The following GRID2IP variants were observed in gnomAD, a reference collection of about 807,000 sequenced individuals.
The protein encoded by GRID2IP is delphilin.
Under a neutral mutation model 114.3 loss-of-function variants are expected in GRID2IP, and 78 were observed. That is an observed-to-expected ratio of 0.68 (90% CI 0.57 to 0.82). The LOEUF is 0.82. GRID2IP is among the 40% of genes least tolerant of loss of function. GRID2IP has a pLI of 0.00. For missense variants in GRID2IP, 1,727 were observed against 1,678.5 expected (o/e 1.03, Z -0.51); for synonymous variants, 809 against 724.0 (o/e 1.12, Z -1.89).
rs1234021817 is a variant in GRID2IP, at chr7:6,516,743, TAGC to T, written c.1269-2217_1269-2215del. ...TGTGCACTCGGCTCCACCTTCTAGA[TAGC>T]AGCAGCAGAATTAGTGAAAGTACTA... is the stretch of plus-strand genomic sequence containing the variant. On this transcript the variant is annotated intron_variant, in intron 7 of 21. Coordinates refer to ENST00000457091, the MANE Select transcript of GRID2IP (RefSeq NM_001145118.2). This position sits in a 1 kb window ranked among gnomAD's most constrained non-coding sequence, Gnocchi z 4.3. 6.6e-6 allele frequency among the ~76,000 whole-genome samples: 1 copy of T among 152,180 alleles called. No homozygotes were observed. Among genetic ancestry groups the T allele is most frequent in the Non-Finnish European group, 1.5e-5 (1 of 68,024 alleles).
At chr7:6,541,797 C>T (rs371762544) in intron 1 of GRID2IP, among the ~76,000 whole-genome samples, 48 of 152,266 alleles carry the variant, frequency 3.2e-4, no homozygotes, top group African/African-American at 1.1e-3. Flanking sequence ...CATCCTTCTA[C>T]CCAATGATCT....
chr7:6,521,978 T>C lies in GRID2IP; in HGVS notation c.920-21A>G, dbSNP rs1184114408. ...GCTCCCTGGAAGCAAGAAGAGAGGG[T>C]GTGCCGGTCAGCTGGGCAGGGTACC... On this transcript the variant is annotated intron_variant, in intron 4 of 21. Coordinates refer to ENST00000457091, the MANE Select transcript of GRID2IP (RefSeq NM_001145118.2). This position sits in a 1 kb window ranked among gnomAD's most constrained non-coding sequence, Gnocchi z 4.1. 1 of 1,546,490 alleles carries C rather than the reference T, an allele frequency of 6.5e-7. No homozygotes were observed. Among genetic ancestry groups the C allele is most frequent in the Non-Finnish European group, 8.8e-7 (1 of 1,142,722 alleles).
intron 8 of GRID2IP, 98 bp from the exon 9 acceptor site, chr7:6,511,137 T>C (rs147388192): frequency 0.012 from 15,785 of 1,279,548 alleles, 125 homozygotes; most frequent in Non-Finnish European, 0.014. Context: ...TCTGCACCAA[T>C]ATGCAGACCC....
intron 21 of GRID2IP, 104 bp from the exon 22 acceptor site, chr7:6,497,949 G>A (rs890258492): frequency 5.6e-5 from 78 of 1,398,270 alleles, no homozygotes; most frequent in Non-Finnish European, 7.4e-5. Flanking sequence ...GGGTTAGGGG[G>A]ACATGTCGCT....
chr7:6,529,768 C>T (rs892494199), intron 2 of GRID2IP, among the ~76,000 whole-genome samples: 8 of 152,164 alleles, frequency 5.3e-5, no homozygotes, highest in Non-Finnish European at 1.2e-4. Flanking sequence ...TCTCTGGACT[C>T]TGGAGTCCCT....
At position 6,505,966 on chromosome 7, in the gene GRID2IP, C is replaced by T. The variant is rs894672081; in HGVS notation, c.2545-59G>A. ...GAGCAGCAGCAGCTGGACTGGCCTC[C>T]CACTTCCCACCCTCTGAGGGCTGCC... On this transcript the variant is annotated intron_variant, in intron 13 of 21. Transcript: ENST00000457091. 5.3e-5 allele frequency: 63 copies of T among 1,188,760 alleles called. 1 individual carries two copies. In the South Asian group the frequency reaches 7.4e-4, roughly 14 times the overall value. 73.6% of individuals were successfully genotyped at this position (1,188,760 alleles called of 1,614,324 possible).
At chr7:6,498,325 G>T in intron 20 of GRID2IP, 97 bp from the exon 21 acceptor site, 1 of 1,197,350 alleles carries the variant, frequency 8.4e-7, no homozygotes, top group Non-Finnish European at 1.1e-6. Flanking sequence ...CCTATTCCCG[G>T]TTGGCCTGAG....
chr7:6,497,691 G>C lies in GRID2IP; in HGVS notation c.*83C>G. ...TGTGCTCAGAGCCCGGGGCACAGTG[G>C]CCCCGGACCTCGGCAGTGTCTGGGC... On this transcript the variant is annotated 3_prime_UTR_variant, in exon 22 of 22. Coordinates refer to ENST00000457091, the MANE Select transcript of GRID2IP (RefSeq NM_001145118.2). 1 of 1,024,440 alleles carries C rather than the reference G, an allele frequency of 9.8e-7. No homozygotes were observed. Among genetic ancestry groups the C allele is most frequent in the Non-Finnish European group, 1.4e-6 (1 of 702,092 alleles). The allele number at this position is 1,024,440 out of a possible 1,614,324, so 63.5% of individuals were successfully genotyped here.
chr7:6,520,520 TA>T lies in GRID2IP; in HGVS notation c.1268+57del. On this transcript the variant is annotated intron_variant, in intron 7 of 21. Coordinates refer to ENST00000457091, the MANE Select transcript of GRID2IP (RefSeq NM_001145118.2). This position sits in a 1 kb window ranked among gnomAD's most constrained non-coding sequence, Gnocchi z 4.6. ...AGGCAGGGAGACTGGGATGTGAGTC[TA>T]GGCAGGACTTAGGGCCCACCCAGGG... 1 of 1,487,508 alleles carries T rather than the reference TA, an allele frequency of 6.7e-7. No homozygotes were observed. The allele number at this position is 1,487,508 out of a possible 1,614,324, so 92.1% of individuals were successfully genotyped here. A position where few individuals can be genotyped will look rare whatever the true frequency, so the allele number is the denominator to read the frequency against.
Position 6,498,162 on chromosome 7 carries a change from C to G in GRID2IP, c.3466G>C (p.Glu1156Gln), listed in dbSNP as rs946490662. The G allele has an allele frequency of 1.9e-6, 3 of 1,551,350 alleles. No individual in the cohort carries two copies. The African/African-American group carries it at 4.1e-5, about 21-fold the overall frequency. Residue 1156 changes from glutamate (E) to glutamine (Q), a missense_variant, in exon 21 of 22, where the codon GAG (glutamate) becomes CAG (glutamine). Glu to Gln is a conservative substitution (Grantham distance 29, BLOSUM62 2). Transcript: ENST00000457091. ...AAGAAGGCCAGCGCCTTGCCCAGCT[C>G]CTCCATGGCCTCGCGCTGCAGCCCG... ...LDGLQREAMEELGKALAFFGE... is the reference protein window; with the variant it reads ...LDGLQREAMEQLGKALAFFGE...
chr7:6,520,773 A>G lies in GRID2IP; in HGVS notation c.1085-12T>C. ...CAGAGAATCGGAGTCTGCTGGGACCACAGGCGGGAGAGGCATGAGTGACTC... is the reference window on the plus strand; with the variant it reads ...CAGAGAATCGGAGTCTGCTGGGACCGCAGGCGGGAGAGGCATGAGTGACTC... On this transcript the variant is annotated splice_polypyrimidine_tract_variant and intron_variant, in intron 6 of 21. Transcript: ENST00000457091. The surrounding 1 kb of genome is among the most constrained non-coding windows in gnomAD (Gnocchi z 4.6). 6.5e-7 allele frequency: 1 copy of G among 1,546,252 alleles called. No homozygotes were observed. The highest frequency in any genetic ancestry group is 8.7e-7 in the Non-Finnish European group (1 of 1,142,974).
chr7:6,507,003 C>T lies in GRID2IP; in HGVS notation c.2544+982G>A, dbSNP rs1158457720. 6.6e-6 allele frequency among the ~76,000 whole-genome samples: 1 copy of T among 151,980 alleles called. No homozygotes were observed. The highest frequency in any genetic ancestry group is 2.4e-5 in the African/African-American group (1 of 41,360). On this transcript the variant is annotated intron_variant, in intron 13 of 21. Coordinates refer to ENST00000457091, the MANE Select transcript of GRID2IP (RefSeq NM_001145118.2). This position sits in a 1 kb window ranked among gnomAD's most constrained non-coding sequence, Gnocchi z 5.3. ...TGGCCTCAATGGGCATCTTTATTAG[C>T]AACTTGGAAAGGGTCCCTGGAGATG...
At chr7:6,529,542 G>C (rs575662499) in intron 2 of GRID2IP, among the ~76,000 whole-genome samples, 2 of 152,326 alleles carry the variant, frequency 1.3e-5, no homozygotes, top group Non-Finnish European at 2.9e-5. Flanking sequence ...TTCCTTACTT[G>C]GTGTTTTTGG....
Position 6,551,094 on chromosome 7 carries a change from G to A in GRID2IP, c.343C>T (p.Arg115Cys). 1.6e-5 allele frequency: 21 copies of A among 1,307,250 alleles called. No homozygotes were observed. Among genetic ancestry groups the A allele is most frequent in the Non-Finnish European group, 1.9e-5 (20 of 1,032,038 alleles). 81.0% of individuals were successfully genotyped at this position (1,307,250 alleles called of 1,614,324 possible). A position where few individuals can be genotyped will look rare whatever the true frequency, so the allele number is the denominator to read the frequency against. Reference sequence around the variant, plus strand: ...CGGCCGGCCAGGCGAAGCAGCTCACGGCCCAGAGCTAGGCCGCGGCCGCAC... The same window carrying A: ...CGGCCGGCCAGGCGAAGCAGCTCACAGCCCAGAGCTAGGCCGCGGCCGCAC... ...PRCGRGLALG[R>C]ELLRLAGRKR... Residue 115 changes from arginine (R) to cysteine (C), a missense_variant, in exon 1 of 22, where the codon CGT becomes TGT. By Grantham distance (180) the Arg-to-Cys change is radical (BLOSUM62 -3). Coordinates refer to ENST00000457091, the MANE Select transcript of GRID2IP (RefSeq NM_001145118.2).
rs1786673120 is a variant in GRID2IP at position 6,508,810 on chromosome 7, GGTGGGATAGCTTGAGCTAGGGA to G, written c.2127+126_2127+147del. On this transcript the variant is annotated intron_variant, in intron 12 of 21. Transcript: ENST00000457091. The surrounding 1 kb of genome is among the most constrained non-coding windows in gnomAD (Gnocchi z 5.6). The stretch of plus-strand genomic sequence containing the variant: ...GGAGATAGGGTAACCTGGGGCAAGG[GGTGGGATAGCTTGAGCTAGGGA>G]GTGGGATAGCCTGGGGAAGATCCCA... 3 of 1,272,594 alleles carry G rather than the reference GGTGGGATAGCTTGAGCTAGGGA, an allele frequency of 2.4e-6. No homozygotes were observed. Among genetic ancestry groups the G allele is most frequent in the Non-Finnish European group, 3.2e-6 (3 of 949,024 alleles). 78.8% of individuals were successfully genotyped at this position (1,272,594 alleles called of 1,614,324 possible).
In GRID2IP at chr7:6,539,772, G is replaced by A. The variant is rs78338870; in HGVS notation, c.530C>T (p.Thr177Ile). ...CTCTCGGGGCAGCGCCAGGGTGAGAGTCCACACCAGATCATCCACCCGCTG... is the reference window on the plus strand; with the variant it reads ...CTCTCGGGGCAGCGCCAGGGTGAGAATCCACACCAGATCATCCACCCGCTG... ...AEQRVDDLVW[T>I]LTLALPREAC... Residue 177 changes from threonine (T) to isoleucine (I), a missense_variant, in exon 2 of 22, where the codon ACT becomes ATT. Transcript: ENST00000457091. 4.0e-4 allele frequency: 615 copies of A among 1,550,416 alleles called. 9 individuals carry two copies. The East Asian group carries it at 0.011, about 29-fold the overall frequency.
rs770824207 is a variant in GRID2IP at position 6,541,085 on chromosome 7, A to AT, written c.430-1214dup. On this transcript the variant is annotated intron_variant, in intron 1 of 21. Coordinates refer to ENST00000457091, the MANE Select transcript of GRID2IP (RefSeq NM_001145118.2). ...TTTTCTATAGAGATGGAGTCTTGCT[A>AT]TATTGCCCAGGCTGATCTCAAACTT... Among the ~76,000 whole-genome samples the AT allele has an allele frequency of 3.0e-4, 45 of 151,826 alleles. 1 individual carries two copies. The East Asian group carries it at 8.4e-3, about 28-fold the overall frequency.
At chr7:6,515,462 A>G (rs1779276870) in intron 7 of GRID2IP, among the ~76,000 whole-genome samples, 1 of 150,806 alleles carries the variant, frequency 6.6e-6, no homozygotes, top group African/African-American at 2.4e-5. Context: ...CTCTGTCTCA[A>G]AAAAACCCAA....
At position 6,551,285 on chromosome 7, in the gene GRID2IP, T is replaced by G; in HGVS notation, c.152A>C (p.Glu51Ala). 6.5e-7 allele frequency: 1 copy of G among 1,540,584 alleles called. No homozygotes were observed. Residue 51 changes from glutamate to alanine, a missense_variant, in exon 1 of 22, where the codon GAG (glutamate) becomes GCG (alanine). Physicochemically the swap from Glu to Ala is moderately radical, Grantham distance 107. Transcript: ENST00000457091. ...ACCGCCCACCGCCAGCCCCTCCACC[T>G]CCAGGATCTGGTCTCCTGGCCGCAG... is the stretch of plus-strand genomic sequence containing the variant. Reference protein sequence around the residue: ...GGLRPGDQILEVEGLAVGGLS... With the variant: ...GGLRPGDQILAVEGLAVGGLS...
Sources: gnomAD v4.1 joint callset for allele counts (sites outside exome capture counted in the v4.1 genomes callset) on GRCh38, gnomAD v4.1.1 for gene constraint, Gnocchi (gnomAD v3.1) non-coding constraint, MANE v1.5 for transcripts, NCBI Gene and HGNC (gene_info 2026-07-23, HGNC 2026-07-21) for gene names.